The following PITPNC1 variants were observed in gnomAD, a reference collection of about 807,000 sequenced individuals.
PITPNC1 encodes cytoplasmic phosphatidylinositol transfer protein 1.
In PITPNC1, 18 loss-of-function variants were observed where a neutral mutation model predicts 44.7. The observed-to-expected ratio is 0.40, with a 90% CI of 0.28 to 0.60. The LOEUF (loss-of-function observed/expected upper bound fraction) is 0.60. Among genes scored for constraint, PITPNC1 ranks in the 20% least tolerant of loss-of-function variants. The pLI, the probability that PITPNC1 is intolerant of heterozygous loss-of-function variation, is 0.39. For synonymous variants in PITPNC1, 141 were observed against 149.6 expected, an observed-to-expected ratio of 0.94 and a Z score of 0.42; for missense variants, 290 against 418.4, an observed-to-expected ratio of 0.69 and a Z score of 2.68.
chr17:67,654,604 A>G (rs2042243319), intron 6 of PITPNC1, among the ~76,000 whole-genome samples: 1 of 151,904 alleles, frequency 6.6e-6, no homozygotes, highest in South Asian at 2.1e-4. Flanking sequence ...TACCTTATCC[A>G]ATTTAAGTCT....
chr17:67,462,657 G>C (rs1567999336), intron 1 of PITPNC1, among the ~76,000 whole-genome samples: 1 of 151,764 alleles, frequency 6.6e-6, no homozygotes, highest in Non-Finnish European at 1.5e-5. Flanking sequence ...ATGAGGTGGA[G>C]CTAGGAAAGT....
At chr17:67,476,924 A>C (rs996138378) in intron 1 of PITPNC1, among the ~76,000 whole-genome samples, 3 of 152,196 alleles carry the variant, frequency 2.0e-5, no homozygotes, top group Admixed American at 6.5e-5. Flanking sequence ...CTTGTTAGAA[A>C]TGCAGAGTCT....
chr17:67,692,901 ATC>A lies in PITPNC1; in HGVS notation c.*16_*17del. The A allele has an allele frequency of 6.9e-7, 1 of 1,442,262 alleles. No individual in the cohort carries two copies. The highest frequency in any genetic ancestry group is 9.6e-7 in the Non-Finnish European group (1 of 1,038,956). 89.3% of individuals were successfully genotyped at this position (1,442,262 alleles called of 1,614,324 possible). A position where few individuals can be genotyped will look rare whatever the true frequency, so the allele number is the denominator to read the frequency against. ...CAAATCTGAGTAACTTTATATAAAT[ATC>A]TCATGGGGTTTTATATTTTCATTTG... On this transcript the variant is annotated 3_prime_UTR_variant, in exon 9 of 9. Coordinates refer to ENST00000581322, the MANE Select transcript of PITPNC1 (RefSeq NM_012417.4).
chr17:67,510,003 G>T (rs937521895), intron 1 of PITPNC1, among the ~76,000 whole-genome samples: 1 of 152,322 alleles, frequency 6.6e-6, no homozygotes, highest in Non-Finnish European at 1.5e-5. Flanking sequence ...ACAATCTGCT[G>T]CCTTTATGCA....
chr17:67,417,564 A>G lies in PITPNC1; in HGVS notation c.48+39362A>G, dbSNP rs188775349. Among the ~76,000 whole-genome samples, 125 of 152,222 alleles carry G rather than the reference A, an allele frequency of 8.2e-4. 2 individuals carry two copies. The highest frequency in any genetic ancestry group is 1.2e-3 in the Non-Finnish European group (81 of 68,008). ...CTTCTCCATTGTCCTTCAGATCTGT[A>G]GTGTTTAAAGGCCTGAATTGAATCT... On this transcript the variant is annotated intron_variant, in intron 1 of 8. Transcript: ENST00000581322.
rs1358229972 is a variant in PITPNC1 at position 67,661,000 on chromosome 17, A to G, written c.463-8508A>G. Among the ~76,000 whole-genome samples, 8 of 149,364 alleles carry G rather than the reference A, an allele frequency of 5.4e-5. No homozygotes were observed. The East Asian group carries it at 1.6e-3, about 29-fold the overall frequency. On this transcript the variant is annotated intron_variant, in intron 6 of 8. Coordinates refer to ENST00000581322, the MANE Select transcript of PITPNC1 (RefSeq NM_012417.4). Reference sequence around the variant, plus strand: ...CAGCCTACCAAGTAGCTGGGACTACAGGCGCCCGCCACCACGCCCAGCTAA... The same window carrying G: ...CAGCCTACCAAGTAGCTGGGACTACGGGCGCCCGCCACCACGCCCAGCTAA...
chr17:67,412,791 C>G (rs1189044453), intron 1 of PITPNC1, among the ~76,000 whole-genome samples: 2 of 152,184 alleles, frequency 1.3e-5, no homozygotes, highest in Non-Finnish European at 2.9e-5. Context: ...ATCTTGAGCT[C>G]CTGAGCTCAG....
At chr17:67,509,323 G>A (rs924866493) in intron 1 of PITPNC1, among the ~76,000 whole-genome samples, 4 of 151,858 alleles carry the variant, frequency 2.6e-5, no homozygotes, top group African/African-American at 7.3e-5. Context: ...CACGAGGTCA[G>A]GAGTTCAAGA....
Position 67,629,623 on chromosome 17 carries a change from A to G in PITPNC1, c.367-2520A>G, listed in dbSNP as rs549304727. 4.1e-4 allele frequency among the ~76,000 whole-genome samples: 63 copies of G among 152,336 alleles called. 1 individual carries two copies. Among genetic ancestry groups the G allele is most frequent in the Non-Finnish European group, 7.2e-4 (49 of 68,030 alleles). ...GCATGTGTCTCTCTTCTCTTAGCTC[A>G]TACTTAAAAGAGATTTGCAGAAAGA... is the stretch of plus-strand genomic sequence containing the variant. On this transcript the variant is annotated intron_variant, in intron 5 of 8. Transcript: ENST00000581322.
intron 1 of PITPNC1, among the ~76,000 whole-genome samples, chr17:67,443,587 A>G (rs2039048335): frequency 6.6e-6 from 1 of 151,000 alleles, no homozygotes; most frequent in South Asian, 2.1e-4. Context: ...TAAAAAATCC[A>G]TGAAAAACAA....
intron 2 of PITPNC1, among the ~76,000 whole-genome samples, chr17:67,533,302 C>T (rs1438657426): frequency 2.0e-5 from 3 of 152,148 alleles, no homozygotes; most frequent in African/African-American, 7.2e-5. Context: ...CGAAATGAAT[C>T]TCCCCCTCCC....
chr17:67,500,438 T>G (rs1442929672), intron 1 of PITPNC1, among the ~76,000 whole-genome samples: 1 of 152,112 alleles, frequency 6.6e-6, no homozygotes, highest in Admixed American at 6.6e-5. Context: ...ATATGAAATA[T>G]CCAGGATAGG....
chr17:67,584,327 T>C (rs2041280752), intron 5 of PITPNC1, among the ~76,000 whole-genome samples: 1 of 152,128 alleles, frequency 6.6e-6, no homozygotes, highest in South Asian at 2.1e-4. Context: ...TCTGATAAAA[T>C]GAAGAGAATG....
At chr17:67,678,098 C>A (rs1398106322) in intron 8 of PITPNC1, among the ~76,000 whole-genome samples, 1 of 151,890 alleles carries the variant, frequency 6.6e-6, no homozygotes, top group Non-Finnish European at 1.5e-5. Context: ...TGTCCGTAGT[C>A]TTAGCTATTC....
Position 67,693,860 on chromosome 17 carries a change from C to T in PITPNC1, c.*972C>T, listed in dbSNP as rs1567786358. 1 of 152,208 alleles carries T rather than the reference C, an allele frequency of 6.6e-6. No individual in the cohort carries two copies. Among genetic ancestry groups the T allele is most frequent in the Non-Finnish European group, 1.5e-5 (1 of 68,022 alleles). 9.4% of individuals were successfully genotyped at this position (152,208 alleles called of 1,614,324 possible). A position where few individuals can be genotyped will look rare whatever the true frequency, so the allele number is the denominator to read the frequency against. On this transcript the variant is annotated 3_prime_UTR_variant, in exon 9 of 9. Transcript: ENST00000581322. ...AAAAAAGAGAACTGTCTCCCATCCC[C>T]TTCCTTGTTTTACTCTTAGTAACAT...
intron 1 of PITPNC1, among the ~76,000 whole-genome samples, chr17:67,484,546 G>T (rs2039750931): frequency 6.6e-6 from 1 of 152,174 alleles, no homozygotes; most frequent in South Asian, 2.1e-4. Flanking sequence ...AGGCAGTGGA[G>T]CCCTAACTTA....
chr17:67,472,072 C>T (rs1284323193), intron 1 of PITPNC1, among the ~76,000 whole-genome samples: 1 of 151,778 alleles, frequency 6.6e-6, no homozygotes, highest in Non-Finnish European at 1.5e-5. Context: ...GGAAAGAATA[C>T]CCCAGAGGTG....
At chr17:67,426,755 G>A (rs1008319377) in intron 1 of PITPNC1, among the ~76,000 whole-genome samples, 3 of 152,136 alleles carry the variant, frequency 2.0e-5, no homozygotes, top group African/African-American at 4.8e-5. Context: ...AATTACATAT[G>A]TTTAGAGAAA....
chr17:67,589,940 C>A (rs1457694224), intron 5 of PITPNC1, among the ~76,000 whole-genome samples: 1 of 151,858 alleles, frequency 6.6e-6, no homozygotes, highest in Non-Finnish European at 1.5e-5. Context: ...TGCACTCCAG[C>A]CTGGGTGACA....
Sources: allele counts gnomAD v4.1 joint callset (sites outside exome capture counted in the v4.1 genomes callset), GRCh38; gene constraint gnomAD v4.1.1; transcripts MANE v1.5; gene names NCBI Gene and HGNC (gene_info 2026-07-23, HGNC 2026-07-21).